The following MMRN1 variants were observed in gnomAD, a reference collection of about 807,000 sequenced individuals.
MMRN1 encodes the protein multimerin 1.
MMRN1 carries 94 observed loss-of-function variants against 100.7 expected under a neutral mutation model. That is an observed-to-expected ratio of 0.93 (90% CI 0.79 to 1.11). The LOEUF is 1.11. Ranked by LOEUF, MMRN1 falls within the 50% of genes least tolerant of loss-of-function variation. The pLI is 0.00. For synonymous variants in MMRN1, 575 were observed against 505.0 expected (o/e 1.14, Z -1.86); for missense variants, 1,606 against 1,439.1 (o/e 1.12, Z -1.88).
intron 1 of MMRN1, among the ~76,000 whole-genome samples, chr4:89,883,027 T>C (rs1720855079): frequency 6.6e-6 from 1 of 152,076 alleles, no homozygotes; most frequent in Non-Finnish European, 1.5e-5. Context: ...GCATTATTCT[T>C]CATCTCAAAT....
chr4:89,927,727 T>G (rs1204837481), intron 4 of MMRN1, 68 bp from the exon 5 acceptor site: 1 of 1,416,280 alleles, frequency 7.1e-7, no homozygotes, highest in Non-Finnish European at 9.7e-7. Context: ...TTTTCTCCAT[T>G]CAGTATGATA....
In MMRN1 at chr4:89,953,196, T is replaced by G. The variant is rs149261966; in HGVS notation, c.3465T>G (p.Ser1155Arg). The change falls in exon 8 of 8, where the codon AGT becomes AGG. Residue 1155 changes from serine (S) to arginine (R), a missense_variant. By Grantham distance (110) the Ser-to-Arg change is moderately radical. Transcript: ENST00000264790. ...TCAAGTACACCATCGAGTCATTTAG[T>G]GCTCATATTTCTGGATTTTTAGTGG... ...YVFKYTIESF[S>R]AHISGFLVVD... 3.5e-5 allele frequency: 57 copies of G among 1,613,846 alleles called. No homozygotes were observed. Among genetic ancestry groups the G allele is most frequent in the Non-Finnish European group, 4.6e-5 (54 of 1,179,850 alleles).
chr4:89,931,749 A>G (rs904477281), intron 5 of MMRN1, among the ~76,000 whole-genome samples: 1 of 152,174 alleles, frequency 6.6e-6, no homozygotes, highest in African/African-American at 2.4e-5. Context: ...CTTATTCACT[A>G]TCATGAGAAC....
chr4:89,915,276 T>A (rs141441488), intron 3 of MMRN1, among the ~76,000 whole-genome samples: 2 of 151,588 alleles, frequency 1.3e-5, no homozygotes, highest in East Asian at 3.9e-4. Context: ...CCTCTAAGAG[T>A]CTTTCACAAT....
chr4:89,908,364 G>A (rs1721636444), intron 1 of MMRN1, among the ~76,000 whole-genome samples: 1 of 151,248 alleles, frequency 6.6e-6, no homozygotes, highest in African/African-American at 2.4e-5. Context: ...TGAAATTTAT[G>A]TTTTTAGTTT....
At position 89,948,340 on chromosome 4, in the gene MMRN1, TAAC is replaced by T. The variant is rs1051071578; in HGVS notation, c.3119-3262_3119-3260del. Among the ~76,000 whole-genome samples, 7 of 152,154 alleles carry T rather than the reference TAAC, an allele frequency of 4.6e-5. No individual in the cohort carries two copies. In the South Asian group the frequency reaches 1.2e-3, roughly 27 times the overall value. Reference sequence around the variant, plus strand: ...GCATGAGACATAAATTTGGAAATGATAACAAAGATAGGGGAGGGTGGCTGAAAC... The same window carrying T: ...GCATGAGACATAAATTTGGAAATGATAAAGATAGGGGAGGGTGGCTGAAAC... On this transcript the variant is annotated intron_variant, in intron 6 of 7. Coordinates refer to ENST00000264790, the MANE Select transcript of MMRN1 (RefSeq NM_007351.3).
intron 1 of MMRN1, among the ~76,000 whole-genome samples, chr4:89,888,092 A>C (rs1223796084): frequency 6.6e-6 from 1 of 151,714 alleles, no homozygotes. Context: ...TTAATTGATA[A>C]GATAATATCA....
chr4:89,911,660 A>T (rs1259903132), intron 2 of MMRN1, among the ~76,000 whole-genome samples: 1 of 151,442 alleles, frequency 6.6e-6, no homozygotes. Flanking sequence ...TGATTTAGCA[A>T]GAAGTATTAT....
At chr4:89,943,989 AAAAAATGATAGTG>A (rs1280921395) in intron 6 of MMRN1, among the ~76,000 whole-genome samples, 1 of 152,124 alleles carries the variant, frequency 6.6e-6, no homozygotes, top group African/African-American at 2.4e-5. Context: ...CTCAAAAAAA[AAAAAATGATAGTG>A]AAAGATATAC....
chr4:89,946,432 A>G (rs974747016), intron 6 of MMRN1, among the ~76,000 whole-genome samples: 1 of 152,246 alleles, frequency 6.6e-6, no homozygotes, highest in Admixed American at 6.5e-5. Context: ...AGTAAGCAAT[A>G]AAATATAAAG....
At chr4:89,921,547 C>A (rs1475735524) in intron 3 of MMRN1, among the ~76,000 whole-genome samples, 1 of 152,072 alleles carries the variant, frequency 6.6e-6, no homozygotes, top group African/African-American at 2.4e-5. Context: ...ACTATAATAA[C>A]CTTATTGCTA....
chr4:89,951,192 A>G (rs1002331193), intron 6 of MMRN1, among the ~76,000 whole-genome samples: 2 of 152,018 alleles, frequency 1.3e-5, no homozygotes, highest in African/African-American at 2.4e-5. Context: ...TATATGTGGA[A>G]TTTATGTTTC....
chr4:89,951,848 T>A (rs1723190088), intron 7 of MMRN1, 97 bp downstream of exon 7: 2 of 1,359,548 alleles, frequency 1.5e-6, no homozygotes, highest in African/African-American at 3.0e-5. Flanking sequence ...GCCTGCTTAA[T>A]CTGGATCCAC....
At chr4:89,884,165 A>G (rs1720882358) in intron 1 of MMRN1, among the ~76,000 whole-genome samples, 1 of 151,970 alleles carries the variant, frequency 6.6e-6, no homozygotes, top group Non-Finnish European at 1.5e-5. Flanking sequence ...ATTTTTTTGG[A>G]AAATTGTTTG....
chr4:89,887,124 T>A (rs75821733), intron 1 of MMRN1, among the ~76,000 whole-genome samples: 15,983 of 152,020 alleles, frequency 0.11, 1,537 homozygotes, highest in East Asian at 0.32. Flanking sequence ...GAAGCCTTTG[T>A]CAAAAATTAT....
Position 89,935,361 on chromosome 4 carries a change from C to G in MMRN1, c.1681C>G (p.Leu561Val). Reference protein sequence around the residue: ...ENIKKQSLMMLQMFEDLHIQE... With the variant: ...ENIKKQSLMMVQMFEDLHIQE... The stretch of plus-strand genomic sequence containing the variant: ...TATAAAGAAGCAGAGTTTGATGATG[C>G]TGCAAATGTTTGAAGATTTGCACAT... The change falls in exon 6 of 8, where the codon CTG becomes GTG. Residue 561 changes from leucine (L) to valine (V), a missense_variant. Coordinates refer to ENST00000264790, the MANE Select transcript of MMRN1 (RefSeq NM_007351.3). The G allele has an allele frequency of 6.2e-7, 1 of 1,613,264 alleles. No individual in the cohort carries two copies. Among genetic ancestry groups the G allele is most frequent in the Non-Finnish European group, 8.5e-7 (1 of 1,179,662 alleles).
In MMRN1 at chr4:89,895,120, A is replaced by G; in HGVS notation, c.149A>G (p.Gln50Arg). Residue 50 changes from glutamine to arginine, a missense_variant, in exon 1 of 8, where the codon CAA (glutamine) becomes CGA (arginine). Physicochemically the swap from Gln to Arg is conservative, Grantham distance 43. Coordinates refer to ENST00000264790, the MANE Select transcript of MMRN1 (RefSeq NM_007351.3). ...GCTTCAGTTCCTCCAAATAAAATAC[A>G]AAGTTTGCAAATACTGCCAACCACT... ...PSASVPPNKI[Q>R]SLQILPTTRV... 2 of 1,613,884 alleles carry G rather than the reference A, an allele frequency of 1.2e-6. No individual in the cohort carries two copies. Among genetic ancestry groups the G allele is most frequent in the Non-Finnish European group, 1.7e-6 (2 of 1,179,910 alleles).
At chr4:89,949,279 T>C (rs1023072769) in intron 6 of MMRN1, among the ~76,000 whole-genome samples, 4 of 152,196 alleles carry the variant, frequency 2.6e-5, no homozygotes, top group Non-Finnish European at 5.9e-5. Context: ...TGTGATTTTT[T>C]ATATTTGGGA....
intron 5 of MMRN1, among the ~76,000 whole-genome samples, chr4:89,928,423 A>T (rs1255421046): frequency 6.6e-6 from 1 of 152,148 alleles, no homozygotes; most frequent in Non-Finnish European, 1.5e-5. Context: ...AAATCTATTA[A>T]ATATATCCTA....
Sources: gnomAD v4.1 joint callset for allele counts (sites outside exome capture counted in the v4.1 genomes callset) on GRCh38, gnomAD v4.1.1 for gene constraint, MANE v1.5 for transcripts, NCBI Gene and HGNC (gene_info 2026-07-23, HGNC 2026-07-21) for gene names.